CTDSP2: variants seen among roughly 807,000 people sequenced by gnomAD.
CTDSP2 encodes the protein CTD small phosphatase 2, also known as carboxy-terminal domain RNA polymerase II polypeptide A small phosphatase 2.
CTDSP2 carries 9 observed loss-of-function variants against 31.6 expected under a neutral mutation model. The ratio of observed to expected loss-of-function variants is 0.28; its 90% CI spans 0.17 to 0.50. CTDSP2 has a LOEUF of 0.50. CTDSP2 is among the 20% of genes least tolerant of loss of function. The pLI is 0.98. For synonymous variants in CTDSP2, 134 were observed against 134.5 expected (o/e 1.00, Z 0.03); for missense variants, 267 against 348.5 (o/e 0.77, Z 1.86).
intron 1 of CTDSP2, chr12:57,842,867 A>T (rs1261383150): frequency 6.6e-6 from 1 of 152,244 alleles, no homozygotes; most frequent in Non-Finnish European, 1.5e-5. Context: ...GCTTGCCTAC[A>T]TCTACAGTGA....
chr12:57,832,259 C>T (rs1410861605), intron 1 of CTDSP2, among the ~76,000 whole-genome samples: 1 of 152,222 alleles, frequency 6.6e-6, no homozygotes, highest in Non-Finnish European at 1.5e-5. Flanking sequence ...GCCTGGACAT[C>T]ACTTTCAAGC....
In CTDSP2 at chr12:57,822,907, G is replaced by A. The variant is rs1956156264; in HGVS notation, c.*695C>T. 1 of 152,762 alleles carries A rather than the reference G, an allele frequency of 6.5e-6. No homozygotes were observed. Among genetic ancestry groups the A allele is most frequent in the African/African-American group, 2.4e-5 (1 of 41,450 alleles). 9.5% of individuals were successfully genotyped at this position (152,762 alleles called of 1,614,324 possible). The stretch of plus-strand genomic sequence containing the variant: ...TCCTTCCCCACAGGTTTGAGACTAT[G>A]GCTAGGTGGTGAGGAAGGCAGGCTC... On this transcript the variant is annotated 3_prime_UTR_variant, in exon 8 of 8. Transcript: ENST00000398073.
At chr12:57,826,279 A>T (rs1956181929) in intron 5 of CTDSP2, 67 bp downstream of exon 5, 38 of 1,425,076 alleles carry the variant, frequency 2.7e-5, no homozygotes, top group Non-Finnish European at 3.6e-5. Context: ...GGAGGACCCC[A>T]GTACAGGTGA....
intron 1 of CTDSP2, among the ~76,000 whole-genome samples, chr12:57,838,989 G>A (rs1956264658): frequency 6.6e-6 from 1 of 152,166 alleles, no homozygotes; most frequent in Non-Finnish European, 1.5e-5. Flanking sequence ...TAGTAACAGG[G>A]CCAAACCGGA....
At chr12:57,823,797 AG>A in intron 7 of CTDSP2, 70 bp from the exon 8 acceptor site, 1 of 1,610,606 alleles carries the variant, frequency 6.2e-7, no homozygotes, top group Admixed American at 1.7e-5. Context: ...AGAGCCCTAG[AG>A]GGTGGCTGGG....
chr12:57,826,934 T>C (rs187721919), intron 4 of CTDSP2, 62 bp downstream of exon 4: 4 of 1,281,966 alleles, frequency 3.1e-6, no homozygotes, highest in Admixed American at 3.4e-5. Flanking sequence ...CTTACACATC[T>C]GTTGCCAGAT....
chr12:57,836,930 C>G (rs565164584), intron 1 of CTDSP2, among the ~76,000 whole-genome samples: 1 of 152,144 alleles, frequency 6.6e-6, no homozygotes, highest in Non-Finnish European at 1.5e-5. Flanking sequence ...CCTTCCCCAC[C>G]ACCTCCCATC....
Position 57,823,508 on chromosome 12 carries a change from A to T in CTDSP2, c.*94T>A. ...CCCGCTGTTTCCGGGCCGTGTGGTG[A>T]GGCACTCCAGCTTCTACTCTGTCAC... On this transcript the variant is annotated 3_prime_UTR_variant, in exon 8 of 8. Transcript: ENST00000398073. 6.9e-7 allele frequency: 1 copy of T among 1,447,004 alleles called. No homozygotes were observed. The highest frequency in any genetic ancestry group is 9.4e-7 in the Non-Finnish European group (1 of 1,059,946). The allele number at this position is 1,447,004 out of a possible 1,614,324, so 89.6% of individuals were successfully genotyped here. A position where few individuals can be genotyped will look rare whatever the true frequency, so the allele number is the denominator to read the frequency against.
chr12:57,834,294 G>C (rs1489245985), intron 1 of CTDSP2, among the ~76,000 whole-genome samples: 1 of 152,162 alleles, frequency 6.6e-6, no homozygotes, highest in Non-Finnish European at 1.5e-5. Flanking sequence ...CTCCCAAGTA[G>C]CTAGGACTAC....
intron 7 of CTDSP2, 47 bp from the exon 8 acceptor site, chr12:57,823,774 C>T (rs774932806): frequency 6.2e-7 from 1 of 1,612,246 alleles, no homozygotes; most frequent in Non-Finnish European, 8.5e-7. Flanking sequence ...GCTGCTTCCC[C>T]CTCCCTCGCC....
chr12:57,828,275 C>T lies in CTDSP2; in HGVS notation c.214-685G>A, dbSNP rs534163618. Among the ~76,000 whole-genome samples, 15 of 152,174 alleles carry T rather than the reference C, an allele frequency of 9.9e-5. No individual in the cohort carries two copies. In the East Asian group the frequency reaches 2.5e-3, roughly 26 times the overall value. Reference sequence around the variant, plus strand: ...TCTCTACTAAAAATACAAAATTAGCCGGTCGTGGTGGCACATGCCTGTAAT... The same window carrying T: ...TCTCTACTAAAAATACAAAATTAGCTGGTCGTGGTGGCACATGCCTGTAAT... On this transcript the variant is annotated intron_variant, in intron 2 of 7. Coordinates refer to ENST00000398073, the MANE Select transcript of CTDSP2 (RefSeq NM_005730.4).
At chr12:57,841,788 G>T (rs114261797) in intron 1 of CTDSP2, among the ~76,000 whole-genome samples, 1 of 152,148 alleles carries the variant, frequency 6.6e-6, no homozygotes, top group Admixed American at 6.5e-5. Context: ...GGAGGAGGGC[G>T]AACAGAGTAG....
At position 57,841,271 on chromosome 12, in the gene CTDSP2, T is replaced by C. The variant is rs866550743; in HGVS notation, c.64+5101A>G. Among the ~76,000 whole-genome samples the C allele has an allele frequency of 2.0e-5, 3 of 152,190 alleles. No homozygotes were observed. The South Asian group carries it at 6.2e-4, about 32-fold the overall frequency. The stretch of plus-strand genomic sequence containing the variant: ...ATGCTGCTTTTGTACTTTCTCAATG[T>C]TGTACCCCAAAACCACAGGAGCAAA... On this transcript the variant is annotated intron_variant, in intron 1 of 7. Coordinates refer to ENST00000398073, the MANE Select transcript of CTDSP2 (RefSeq NM_005730.4).
At chr12:57,830,472 G>C (rs887994532) in intron 1 of CTDSP2, among the ~76,000 whole-genome samples, 1 of 152,112 alleles carries the variant, frequency 6.6e-6, no homozygotes, top group Admixed American at 6.5e-5. Flanking sequence ...AGAAACAAGA[G>C]ACTAGGAACT....
chr12:57,846,511 T>G lies in CTDSP2; in HGVS notation c.-76A>C. On this transcript the variant is annotated 5_prime_UTR_variant, in exon 1 of 8. Transcript: ENST00000398073. ...GCGGGCTGGGCTGGGCTGGGGGGCCTGGGCGGGGGCCCGCTCCGGCTCCCG... is the reference window on the plus strand; with the variant it reads ...GCGGGCTGGGCTGGGCTGGGGGGCCGGGGCGGGGGCCCGCTCCGGCTCCCG... 8.1e-7 allele frequency: 1 copy of G among 1,238,816 alleles called. No homozygotes were observed. The allele number at this position is 1,238,816 out of a possible 1,614,324, so 76.7% of individuals were successfully genotyped here.
intron 7 of CTDSP2, 81 bp downstream of exon 7, chr12:57,823,822 GT>G: frequency 6.2e-7 from 1 of 1,607,956 alleles, no homozygotes; most frequent in Non-Finnish European, 8.5e-7. Flanking sequence ...TCCTGGAGGG[GT>G]GTACTTCTCT....
intron 1 of CTDSP2, among the ~76,000 whole-genome samples, chr12:57,831,224 G>A (rs575352867): frequency 2.0e-5 from 3 of 152,168 alleles, no homozygotes; most frequent in Admixed American, 2.0e-4. Flanking sequence ...GGGAGGCCGA[G>A]GCAGGTGGAT....
chr12:57,838,355 G>A (rs1168697232), intron 1 of CTDSP2, among the ~76,000 whole-genome samples: 4 of 152,222 alleles, frequency 2.6e-5, no homozygotes, highest in Admixed American at 6.5e-5. Flanking sequence ...CCTGCCCTAT[G>A]TAGCACCAGC....
Position 57,827,355 on chromosome 12 carries a change from ATGGAGCAC to A in CTDSP2, c.252+189_252+196del, listed in dbSNP as rs370214351. The A allele has an allele frequency of 2.3e-5, 15 of 651,852 alleles. No individual in the cohort carries two copies. The African/African-American group carries it at 2.7e-4, about 12-fold the overall frequency. 40.4% of individuals were successfully genotyped at this position (651,852 alleles called of 1,614,324 possible). On this transcript the variant is annotated intron_variant, in intron 3 of 7. Coordinates refer to ENST00000398073, the MANE Select transcript of CTDSP2 (RefSeq NM_005730.4). ...TGGACAGCAGCTGTGGGAAGAGGGC[ATGGAGCAC>A]CAGCTGTCCCCTAAAATCTAATGCC...
Sources: allele counts gnomAD v4.1 joint callset (sites outside exome capture counted in the v4.1 genomes callset), GRCh38; gene constraint gnomAD v4.1.1; transcripts MANE v1.5; gene names NCBI Gene and HGNC (gene_info 2026-07-23, HGNC 2026-07-21).